The following RELN variants were observed in gnomAD, a reference collection of about 807,000 sequenced individuals.
The protein encoded by RELN is reelin.
In RELN, 108 loss-of-function variants were observed where a neutral mutation model predicts 427.6. The ratio of observed to expected loss-of-function variants is 0.25; its 90% confidence interval spans 0.22 to 0.30. The LOEUF (loss-of-function observed/expected upper bound fraction) is 0.30. RELN is among the 10% of genes least tolerant of loss of function. The probability of loss-of-function intolerance (pLI) is 1.00; values close to 1 mark genes in which losing one functional copy is unlikely to be tolerated. For synonymous variants in RELN, 1,524 were observed against 1,513.4 expected (o/e 1.01, Z -0.16); for missense variants, 3,715 against 4,302.8 (o/e 0.86, Z 3.82).
At chr7:103,543,000 A>C (rs1043006772) in intron 42 of RELN, 122 bp from the exon 43 acceptor site, 2 of 1,061,224 alleles carry the variant, frequency 1.9e-6, no homozygotes, top group Non-Finnish European at 2.8e-6. Flanking sequence ...TAAATATTAA[A>C]GTCATGTTTT....
intron 2 of RELN, among the ~76,000 whole-genome samples, chr7:103,912,995 T>C (rs982263006): frequency 6.6e-6 from 1 of 152,146 alleles, no homozygotes; most frequent in African/African-American, 2.4e-5. Flanking sequence ...TTTTCTTATA[T>C]TGACAAGTAA....
intron 4 of RELN, among the ~76,000 whole-genome samples, chr7:103,761,636 G>A (rs539865875): frequency 2.6e-5 from 4 of 151,472 alleles, no homozygotes; most frequent in African/African-American, 7.3e-5. Flanking sequence ...TTTGGGGGGG[G>A]GTAGAGACAA....
At chr7:103,821,600 C>A (rs1793016337) in intron 3 of RELN, among the ~76,000 whole-genome samples, 1 of 152,084 alleles carries the variant, frequency 6.6e-6, no homozygotes, top group Admixed American at 6.6e-5. Context: ...CTTTTGTAAC[C>A]ATCTTTGCAC....
intron 4 of RELN, among the ~76,000 whole-genome samples, chr7:103,756,120 G>A (rs187577798): frequency 2.0e-5 from 3 of 152,208 alleles, no homozygotes; most frequent in Admixed American, 2.0e-4. Context: ...TGGTGACTAA[G>A]GCCTCAACTC....
At chr7:103,729,808 T>G (rs1360661869) in intron 6 of RELN, among the ~76,000 whole-genome samples, 1 of 152,160 alleles carries the variant, frequency 6.6e-6, no homozygotes, top group East Asian at 1.9e-4. Context: ...GAACTTAGAA[T>G]AGTGCCTGGC....
At chr7:103,858,911 A>G (rs1368129286) in intron 2 of RELN, among the ~76,000 whole-genome samples, 8 of 152,204 alleles carry the variant, frequency 5.3e-5, no homozygotes, top group Admixed American at 2.6e-4. Context: ...ACTCCTGTAC[A>G]TTTTACTATA....
At chr7:103,864,453 C>T (rs1015666010) in intron 2 of RELN, among the ~76,000 whole-genome samples, 1 of 152,090 alleles carries the variant, frequency 6.6e-6, no homozygotes, top group Non-Finnish European at 1.5e-5. Flanking sequence ...AACCGTTTCC[C>T]CCTCCTCCTG....
rs777127263 is a variant in RELN, at chr7:103,574,208, T to G, written c.4395A>C (p.Ile1465=). ...AGCCAGTTCCAACCTGGGCACCTGT[T>G]ATCTTGTACCACAGAGGGCTGAGCT... ...EGKLSPLWYK[I]TGAQVGTGCG... Residue 1465 remains isoleucine, a synonymous_variant, in exon 30 of 65, where the codon ATA becomes ATC. Transcript: ENST00000428762. The G allele has an allele frequency of 8.1e-6, 13 of 1,614,088 alleles. No homozygotes were observed. The highest frequency in any genetic ancestry group is 1.3e-5 in the African/African-American group (1 of 74,938).
At chr7:103,857,297 T>G (rs988373479) in intron 2 of RELN, among the ~76,000 whole-genome samples, 1 of 152,220 alleles carries the variant, frequency 6.6e-6, no homozygotes, top group African/African-American at 2.4e-5. Context: ...TATGAATGTT[T>G]TTAAGAAATG....
At chr7:103,557,333 A>G (rs1334049962) in intron 37 of RELN, among the ~76,000 whole-genome samples, 174 bp from the exon 38 acceptor site, 1 of 152,198 alleles carries the variant, frequency 6.6e-6, no homozygotes, top group Non-Finnish European at 1.5e-5. Context: ...GGCTTTCTGT[A>G]TATCTCGAAA....
At chr7:103,532,270 C>T (rs1024428472) in intron 46 of RELN, among the ~76,000 whole-genome samples, 1 of 152,014 alleles carries the variant, frequency 6.6e-6, no homozygotes, top group South Asian at 2.1e-4. Context: ...AAGGGGGGAA[C>T]AACACACACT....
At chr7:103,658,184 T>A (rs1685540708) in intron 12 of RELN, among the ~76,000 whole-genome samples, 1 of 152,096 alleles carries the variant, frequency 6.6e-6, no homozygotes, top group African/African-American at 2.4e-5. Flanking sequence ...TACGTCAATA[T>A]ATGAATAAAG....
In RELN at chr7:103,575,009, GT is replaced by G. The variant is rs374712094; in HGVS notation, c.4303+538del. Among the ~76,000 whole-genome samples the G allele has an allele frequency of 4.1e-3, 623 of 152,160 alleles. 3 individuals are homozygous for G. The highest frequency in any genetic ancestry group is 0.014 in the Middle Eastern group (4 of 294). ...TTTTATTTTAAATGTAAAAAATAAC[GT>G]TTCCTATAGTGATGTAGAGGGCTCA... On this transcript the variant is annotated intron_variant, in intron 29 of 64. Coordinates refer to ENST00000428762, the MANE Select transcript of RELN (RefSeq NM_005045.4).
At chr7:103,480,316 C>T (rs1828187901) in intron 63 of RELN, among the ~76,000 whole-genome samples, 1 of 152,052 alleles carries the variant, frequency 6.6e-6, no homozygotes, top group Non-Finnish European at 1.5e-5. Context: ...CTTCTTTGTG[C>T]CTCATATGAT....
chr7:103,665,190 GC>G (rs1376299285), intron 11 of RELN, among the ~76,000 whole-genome samples: 1 of 151,876 alleles, frequency 6.6e-6, no homozygotes, highest in Non-Finnish European at 1.5e-5. Context: ...TTAACCGTTG[GC>G]CCTAATTATT....
At chr7:103,854,753 G>A (rs1446720742) in intron 2 of RELN, among the ~76,000 whole-genome samples, 1 of 152,196 alleles carries the variant, frequency 6.6e-6, no homozygotes, top group African/African-American at 2.4e-5. Flanking sequence ...AACGTGTCAG[G>A]AGGAACACAT....
chr7:103,616,314 G>T lies in RELN; in HGVS notation c.2703-4511C>A, dbSNP rs191957534. Reference sequence around the variant, plus strand: ...GTTATATTCATCTGAAGAAGAAGAGGTGAATGAATGTACGCCTCTCTGATA... The same window carrying T: ...GTTATATTCATCTGAAGAAGAAGAGTTGAATGAATGTACGCCTCTCTGATA... On this transcript the variant is annotated intron_variant, in intron 20 of 64. Coordinates refer to ENST00000428762, the MANE Select transcript of RELN (RefSeq NM_005045.4). 1.3e-5 allele frequency among the ~76,000 whole-genome samples: 2 copies of T among 152,214 alleles called. 1 individual carries two copies. Among genetic ancestry groups the T allele is most frequent in the Admixed American group, 1.3e-4 (2 of 15,282 alleles).
intron 10 of RELN, among the ~76,000 whole-genome samples, chr7:103,685,143 G>T (rs916544516): frequency 6.6e-6 from 1 of 152,052 alleles, no homozygotes; most frequent in African/African-American, 2.4e-5. Context: ...TTTCTTACAG[G>T]TAAGTTTGCA....
intron 2 of RELN, among the ~76,000 whole-genome samples, chr7:103,909,777 ATAAATAT>A (rs1563085144): frequency 0.13 from 12,124 of 95,060 alleles, 1,610 homozygotes; most frequent in South Asian, 0.2. Context: ...TTTAATATAT[ATAAATAT>A]ATATATTAAA....
Sources: allele counts gnomAD v4.1 joint callset (sites outside exome capture counted in the v4.1 genomes callset), GRCh38; gene constraint gnomAD v4.1.1; transcripts MANE v1.5; gene names NCBI Gene and HGNC (gene_info 2026-07-23, HGNC 2026-07-21).